The following RPS4X variants were observed in gnomAD, a reference collection of about 807,000 sequenced individuals.
RPS4X encodes the protein small ribosomal subunit protein eS4, X isoform.
For synonymous variants in RPS4X, 76 were observed against 76.8 expected, an observed-to-expected ratio of 0.99 and a Z score of 0.06; for missense variants, 90 against 219.1, an observed-to-expected ratio of 0.41 and a Z score of 3.72.
chrX:72,277,166 T>C (rs749645492), intron 1 of RPS4X, 27 bp downstream of exon 1: 4 of 1,209,007 alleles, frequency 3.3e-6, no homozygotes, highest in Non-Finnish European at 4.5e-6. Flanking sequence ...GGATACGTCC[T>C]AAGAGCTCGC....
intron 4 of RPS4X, 99 bp downstream of exon 4, chrX:72,274,954 C>T (rs2043196014): frequency 4.0e-6 from 2 of 505,794 alleles, no homozygotes; most frequent in Non-Finnish European, 7.0e-6. Context: ...TTTAACTAAT[C>T]AATACCCACC....
At position 72,272,907 on chromosome X, in the gene RPS4X, G is replaced by C. The variant is rs1056475803; in HGVS notation, c.691-135C>G. The C allele has an allele frequency of 8.9e-5, 43 of 482,668 alleles. 1 individual carries two copies. The highest frequency in any genetic ancestry group is 6.1e-4 in the Admixed American group (16 of 26,022). The allele number at this position is 482,668 out of a possible 1,213,427, so 39.8% of individuals were successfully genotyped here. A position where few individuals can be genotyped will look rare whatever the true frequency, so the allele number is the denominator to read the frequency against. On this transcript the variant is annotated intron_variant, in intron 6 of 6. Transcript: ENST00000316084. ...AGTGCTTGGCATCAGCTAGGCAGTT[G>C]CAAGACACAGATGCTGGTTACCAAA...
rs377564621 is a variant in RPS4X, at chrX:72,273,975, A to G, written c.361-3T>C. On this transcript the variant is annotated splice_polypyrimidine_tract_variant and splice_region_variant and intron_variant, in intron 4 of 6. Transcript: ENST00000316084. ...TTTCTCACTTTGCACAACTTGTACTAGAAAAATACAAGGGTTAGCCACATT... is the reference window on the plus strand; with the variant it reads ...TTTCTCACTTTGCACAACTTGTACTGGAAAAATACAAGGGTTAGCCACATT... 8 of 1,205,026 alleles carry G rather than the reference A, an allele frequency of 6.6e-6. No individual in the cohort carries two copies. Among genetic ancestry groups the G allele is most frequent in the Non-Finnish European group, 9.0e-6 (8 of 890,913 alleles).
intron 6 of RPS4X, among the ~76,000 whole-genome samples, 191 bp downstream of exon 6, chrX:72,273,041 C>G (rs974637040): frequency 9.0e-6 from 1 of 111,558 alleles, no homozygotes; most frequent in Non-Finnish European, 1.9e-5. Context: ...ACCATTTATT[C>G]AAGTGAGTCA....
intron 4 of RPS4X, chrX:72,274,488 T>C (rs963244173): frequency 5.0e-5 from 17 of 339,515 alleles, no homozygotes; most frequent in Non-Finnish European, 9.4e-5. Context: ...AACCTTCATT[T>C]ACAGCCAATA....
intron 4 of RPS4X, 70 bp from the exon 5 acceptor site, chrX:72,274,042 A>T: frequency 1.1e-6 from 1 of 951,027 alleles, no homozygotes; most frequent in East Asian, 3.1e-5. Context: ...TACAGGAACC[A>T]TGGGTTCCCT....
chrX:72,276,082 T>G, intron 2 of RPS4X, 75 bp downstream of exon 2: 1 of 844,647 alleles, frequency 1.2e-6, no homozygotes, highest in South Asian at 2.1e-5. Flanking sequence ...ATTCCTCCCC[T>G]AGCCTGGTCC....
At chrX:72,275,244 C>T (rs947496086) in intron 3 of RPS4X, 94 bp from the exon 4 acceptor site, 3 of 551,711 alleles carry the variant, frequency 5.4e-6, no homozygotes. Context: ...AAAAAGAACC[C>T]CCATGTGCCT....
In RPS4X at chrX:72,274,137, C is replaced by T. The variant is rs765728090; in HGVS notation, c.361-165G>A. 1.5e-4 allele frequency: 69 copies of T among 468,597 alleles called. No homozygotes were observed. In the African/African-American group the frequency reaches 1.6e-3, roughly 11 times the overall value. The allele number at this position is 468,597 out of a possible 1,213,427, so 38.6% of individuals were successfully genotyped here. A position where few individuals can be genotyped will look rare whatever the true frequency, so the allele number is the denominator to read the frequency against. ...TAAAGCCCTTCTCTAGGCTCGTCCTCCTAACATCCACCATTGCCCTCCACT... is the reference window on the plus strand; with the variant it reads ...TAAAGCCCTTCTCTAGGCTCGTCCTTCTAACATCCACCATTGCCCTCCACT... On this transcript the variant is annotated intron_variant, in intron 4 of 6. Coordinates refer to ENST00000316084, the MANE Select transcript of RPS4X (RefSeq NM_001007.5).
intron 4 of RPS4X, chrX:72,274,801 G>T (rs186711147): frequency 1.2e-5 from 4 of 325,978 alleles, no homozygotes; most frequent in African/African-American, 2.6e-5. Context: ...ATCTGCTGAG[G>T]AAGTTAACTT....
chrX:72,275,763 T>C (rs2043200491), intron 2 of RPS4X, 39 bp from the exon 3 acceptor site: 3 of 1,091,383 alleles, frequency 2.7e-6, no homozygotes, highest in Non-Finnish European at 3.7e-6. Flanking sequence ...TGGGATTCAC[T>C]AAAGCACTCA....
In RPS4X at chrX:72,272,608, T is replaced by C. The variant is rs1238173404; in HGVS notation, c.*63A>G. The C allele has an allele frequency of 7.3e-6, 6 of 820,785 alleles. No individual in the cohort carries two copies. The highest frequency in any genetic ancestry group is 1.1e-5 in the Non-Finnish European group (6 of 564,503). 67.6% of individuals were successfully genotyped at this position (820,785 alleles called of 1,213,427 possible). A position where few individuals can be genotyped will look rare whatever the true frequency, so the allele number is the denominator to read the frequency against. On this transcript the variant is annotated 3_prime_UTR_variant, in exon 7 of 7. Coordinates refer to ENST00000316084, the MANE Select transcript of RPS4X (RefSeq NM_001007.5). ...AACAACCCACAAAACCAAAATGCTA[T>C]TAATCCTGCCACAATATTTTTAATT...
rs1382645401 is a variant in RPS4X, at chrX:72,275,818, C to T, written c.82-94G>A. The T allele has an allele frequency of 4.0e-6, 3 of 753,836 alleles. No homozygotes were observed. The African/African-American group carries it at 6.4e-5, about 16-fold the overall frequency. 62.1% of individuals were successfully genotyped at this position (753,836 alleles called of 1,213,427 possible). ...CAGATCCACTAACTGAACACCAAGACCGTCCATATTACACCCAACTTGGAC... is the reference window on the plus strand; with the variant it reads ...CAGATCCACTAACTGAACACCAAGATCGTCCATATTACACCCAACTTGGAC... On this transcript the variant is annotated intron_variant, in intron 2 of 6. Coordinates refer to ENST00000316084, the MANE Select transcript of RPS4X (RefSeq NM_001007.5).
chrX:72,273,720 A>T, intron 5 of RPS4X, 81 bp downstream of exon 5: 1 of 870,624 alleles, frequency 1.1e-6, no homozygotes. Flanking sequence ...GATGGTTTTT[A>T]ATAAAGATAC....
Position 72,273,348 on chromosome X carries a change from T to C in RPS4X, c.574A>G (p.Ile192Val). 1 of 1,210,123 alleles carries C rather than the reference T, an allele frequency of 8.3e-7. No individual in the cohort carries two copies. The highest frequency in any genetic ancestry group is 3.0e-5 in the East Asian group (1 of 33,840). ...CTCTCTCTGTTGGTGATCACACCAA[T>C]TCTTCCTAGGTTAGCACCTCCAGTC... ...MVTGGANLGR[I>V]GVITNRERHP... The change falls in exon 6 of 7, where the codon ATT becomes GTT. Residue 192 changes from isoleucine (I) to valine (V), a missense_variant. Physicochemically the swap from Ile to Val is conservative, Grantham distance 29. Coordinates refer to ENST00000316084, the MANE Select transcript of RPS4X (RefSeq NM_001007.5).
intron 5 of RPS4X, 53 bp downstream of exon 5, chrX:72,273,748 C>A: frequency 3.8e-6 from 4 of 1,063,663 alleles, no homozygotes; most frequent in Non-Finnish European, 5.2e-6. Context: ...CTGTGCAATT[C>A]ATAATGATCT....
chrX:72,273,907 A>G lies in RPS4X; in HGVS notation c.426T>C (p.His142=). ...GTKGIPHLVT[H]DARTIRYPDP... ...CGGGGTAGCGGATGGTGCGGGCATC[A>G]TGAGTCACCAGATGAGGGATTCCTT... is the stretch of plus-strand genomic sequence containing the variant. The change falls in exon 5 of 7, where the codon CAT becomes CAC. Residue 142 remains histidine (H), a synonymous_variant. Coordinates refer to ENST00000316084, the MANE Select transcript of RPS4X (RefSeq NM_001007.5). 8.3e-7 allele frequency: 1 copy of G among 1,208,790 alleles called. No individual in the cohort carries two copies. Among genetic ancestry groups the G allele is most frequent in the Non-Finnish European group, 1.1e-6 (1 of 893,230 alleles).
At position 72,272,597 on chromosome X, in the gene RPS4X, C is replaced by T. The variant is rs2043185196; in HGVS notation, c.*74G>A. On this transcript the variant is annotated 3_prime_UTR_variant, in exon 7 of 7. Coordinates refer to ENST00000316084, the MANE Select transcript of RPS4X (RefSeq NM_001007.5). ...TTAAAAAAAAAAACAACCCACAAAA[C>T]CAAAATGCTATTAATCCTGCCACAA... 6.8e-6 allele frequency: 5 copies of T among 735,350 alleles called. No individual in the cohort carries two copies. In the South Asian group the frequency reaches 1.3e-4, roughly 19 times the overall value. 60.6% of individuals were successfully genotyped at this position (735,350 alleles called of 1,213,427 possible).
chrX:72,277,096 G>A, intron 1 of RPS4X, 97 bp downstream of exon 1: 2 of 1,046,652 alleles, frequency 1.9e-6, no homozygotes, highest in Non-Finnish European at 2.7e-6. Flanking sequence ...GCCTCTGCCC[G>A]GCCATCCCCA....
Sources: gnomAD v4.1 joint callset for allele counts (sites outside exome capture counted in the v4.1 genomes callset) on GRCh38, gnomAD v4.1.1 for gene constraint, MANE v1.5 for transcripts, NCBI Gene and HGNC (gene_info 2026-07-23, HGNC 2026-07-21) for gene names.